YEATS2: variants seen among roughly 807,000 people sequenced by gnomAD.
YEATS2 encodes the protein YEATS domain containing 2.
In YEATS2, 77 loss-of-function variants were observed where a neutral mutation model predicts 163.2. The observed-to-expected ratio is 0.47, with a 90% CI of 0.39 to 0.57. The LOEUF (loss-of-function observed/expected upper bound fraction) is 0.57. YEATS2 is among the 20% of genes least tolerant of loss of function. YEATS2 has a pLI of 0.00. For synonymous variants in YEATS2, 631 were observed against 645.1 expected, an observed-to-expected ratio of 0.98 and a Z score of 0.33; for missense variants, 1,549 against 1,729.8, an observed-to-expected ratio of 0.90 and a Z score of 1.85.
intron 11 of YEATS2, among the ~76,000 whole-genome samples, chr3:183,755,096 T>G (rs960750676): frequency 3.3e-5 from 5 of 152,132 alleles, no homozygotes; most frequent in African/African-American, 1.2e-4. Flanking sequence ...TGATGAGAGA[T>G]AAATAGCTTC....
At chr3:183,778,720 C>T (rs564362895) in intron 19 of YEATS2, among the ~76,000 whole-genome samples, 1 of 152,220 alleles carries the variant, frequency 6.6e-6, no homozygotes, top group East Asian at 1.9e-4. Flanking sequence ...GGTTTGGTAT[C>T]AGGATAATAC....
chr3:183,801,525 A>G lies in YEATS2; in HGVS notation c.3499A>G (p.Lys1167Glu). Residue 1167 changes from lysine (K) to glutamate (E), a missense_variant, in exon 25 of 31, where the codon AAA (lysine) becomes GAA (glutamate). Physicochemically the swap from Lys to Glu is moderately conservative, Grantham distance 56. Coordinates refer to ENST00000305135, the MANE Select transcript of YEATS2 (RefSeq NM_018023.5). ...VVKKIPLITA[K>E]SEDASCFSAK... ...AAAGAAGATTCCATTAATCACTGCAAAAAGTAAGACAATTACACTGAATAT... is the reference window on the plus strand; with the variant it reads ...AAAGAAGATTCCATTAATCACTGCAGAAAGTAAGACAATTACACTGAATAT... 6.2e-7 allele frequency: 1 copy of G among 1,607,788 alleles called. No homozygotes were observed. The highest frequency in any genetic ancestry group is 8.5e-7 in the Non-Finnish European group (1 of 1,176,496).
chr3:183,704,500 G>GA (rs1469801726), intron 1 of YEATS2, among the ~76,000 whole-genome samples: 1 of 152,054 alleles, frequency 6.6e-6, no homozygotes, highest in Admixed American at 6.6e-5. Flanking sequence ...GTTATTAGAA[G>GA]AGTGTCTTAT....
intron 25 of YEATS2, chr3:183,801,810 G>A (rs182123262): frequency 3.6e-6 from 1 of 277,486 alleles, no homozygotes; most frequent in Non-Finnish European, 6.8e-6. Context: ...ATTAGCATTT[G>A]GTGTTTATGA....
intron 1 of YEATS2, among the ~76,000 whole-genome samples, chr3:183,698,843 A>G (rs993663758): frequency 6.6e-6 from 1 of 152,204 alleles, no homozygotes; most frequent in Admixed American, 6.5e-5. Flanking sequence ...TTCAGCGTAG[A>G]AAAATTTAAA....
intron 23 of YEATS2, among the ~76,000 whole-genome samples, chr3:183,799,253 G>A (rs1725441196): frequency 6.6e-6 from 1 of 152,194 alleles, no homozygotes; most frequent in Non-Finnish European, 1.5e-5. Flanking sequence ...AACAATTGCT[G>A]TAGATAGCAA....
intron 13 of YEATS2, among the ~76,000 whole-genome samples, chr3:183,760,078 T>A (rs575224775): frequency 1.4e-3 from 218 of 152,328 alleles, no homozygotes; most frequent in African/African-American, 5.1e-3. Flanking sequence ...TGATATTGAA[T>A]GACTTCCTGG....
intron 17 of YEATS2, among the ~76,000 whole-genome samples, 197 bp from the exon 18 acceptor site, chr3:183,775,718 T>C (rs548683679): frequency 6.6e-6 from 1 of 152,290 alleles, no homozygotes; most frequent in South Asian, 2.1e-4. Flanking sequence ...TGAAAGGAAA[T>C]AGATTTTGAT....
chr3:183,753,842 A>AT (rs943442879), intron 10 of YEATS2, among the ~76,000 whole-genome samples: 3 of 152,224 alleles, frequency 2.0e-5, no homozygotes, highest in Non-Finnish European at 4.4e-5. Context: ...CAGTTTATAT[A>AT]TTAAAAAATG....
intron 1 of YEATS2, among the ~76,000 whole-genome samples, chr3:183,700,598 CTTTTTTT>C (rs748017835): frequency 7.1e-4 from 90 of 126,608 alleles, no homozygotes; most frequent in Non-Finnish European, 1.3e-3. Flanking sequence ...TCTTTTCTTT[CTTTTTTT>C]TTTTTTTTTT....
At chr3:183,807,189 T>A in intron 28 of YEATS2, 97 bp downstream of exon 28, 1 of 1,117,326 alleles carries the variant, frequency 8.9e-7, no homozygotes, top group Non-Finnish European at 1.3e-6. Context: ...GTGTTCAGCC[T>A]CACAGACACA....
chr3:183,791,027 C>T, intron 21 of YEATS2, 47 bp downstream of exon 21: 1 of 1,588,494 alleles, frequency 6.3e-7, no homozygotes. Context: ...TCTCATTGGG[C>T]TGGAATATTT....
At position 183,803,245 on chromosome 3, in the gene YEATS2, G is replaced by A; in HGVS notation, c.3503-11G>A. 1 of 1,611,030 alleles carries A rather than the reference G, an allele frequency of 6.2e-7. No individual in the cohort carries two copies. Among genetic ancestry groups the A allele is most frequent in the Non-Finnish European group, 8.5e-7 (1 of 1,179,606 alleles). On this transcript the variant is annotated splice_polypyrimidine_tract_variant and intron_variant, in intron 25 of 30. Coordinates refer to ENST00000305135, the MANE Select transcript of YEATS2 (RefSeq NM_018023.5). Reference sequence around the variant, plus strand: ...GCTTTATTCAGGCTTTGCTGGGTGTGTGCATTCTAGGTGAAGATGCCAGCT... The same window carrying A: ...GCTTTATTCAGGCTTTGCTGGGTGTATGCATTCTAGGTGAAGATGCCAGCT...
At chr3:183,731,360 GTTTTTCTTCTTGTGTATTAATTATA>G (rs1407430801) in intron 7 of YEATS2, among the ~76,000 whole-genome samples, 3 of 150,464 alleles carry the variant, frequency 2.0e-5, no homozygotes, top group Admixed American at 6.6e-5. Flanking sequence ...GGTACAGTAT[GTTTTTCTTCTTGTGTATTAATTATA>G]TTTTTATTGA....
At chr3:183,786,350 T>G (rs1410857973) in intron 20 of YEATS2, 49 bp downstream of exon 20, 2 of 1,549,708 alleles carry the variant, frequency 1.3e-6, no homozygotes, top group African/African-American at 1.4e-5. Flanking sequence ...ATGAAAGTGG[T>G]GTAGATACAA....
At chr3:183,770,988 G>A (rs911809501) in intron 15 of YEATS2, among the ~76,000 whole-genome samples, 1 of 152,134 alleles carries the variant, frequency 6.6e-6, no homozygotes, top group Non-Finnish European at 1.5e-5. Flanking sequence ...GCTATGTTGG[G>A]CATTGTTGTA....
At chr3:183,706,580 G>A (rs932197398) in intron 1 of YEATS2, among the ~76,000 whole-genome samples, 19 of 152,158 alleles carry the variant, frequency 1.2e-4, no homozygotes, top group African/African-American at 4.3e-4. Context: ...ACTGTGGGAG[G>A]CCAAGACGGG....
At chr3:183,732,208 T>C (rs929506824) in intron 7 of YEATS2, among the ~76,000 whole-genome samples, 1 of 151,994 alleles carries the variant, frequency 6.6e-6, no homozygotes, top group Admixed American at 6.6e-5. Context: ...CCCAGCACTT[T>C]GGGAGACTGA....
chr3:183,767,413 C>T (rs1489982694), intron 15 of YEATS2, among the ~76,000 whole-genome samples: 2 of 150,906 alleles, frequency 1.3e-5, no homozygotes, highest in East Asian at 4.0e-4. Context: ...TGGAGTCTTG[C>T]ACTGTCGCCC....
Sources: allele counts gnomAD v4.1 joint callset (sites outside exome capture counted in the v4.1 genomes callset), GRCh38; gene constraint gnomAD v4.1.1; transcripts MANE v1.5; gene names NCBI Gene and HGNC (gene_info 2026-07-23, HGNC 2026-07-21).